UHRF1: variants seen among roughly 807,000 people sequenced by gnomAD.
UHRF1 encodes ubiquitin like with PHD and ring finger domains 1, also known as E3 ubiquitin-protein ligase UHRF1.
Under a neutral mutation model 96.5 loss-of-function variants are expected in UHRF1, and 9 were observed. That is an observed-to-expected ratio of 0.09 (90% CI 0.06 to 0.16). The LOEUF (loss-of-function observed/expected upper bound fraction) is 0.16. Among genes scored for constraint, UHRF1 ranks in the 10% least tolerant of loss-of-function variants. The probability of loss-of-function intolerance (pLI) is 1.00; values close to 1 mark genes in which losing one functional copy is unlikely to be tolerated. For synonymous variants in UHRF1, 455 were observed against 469.9 expected, an observed-to-expected ratio of 0.97 and a Z score of 0.41; for missense variants, 626 against 1,131.1, an observed-to-expected ratio of 0.55 and a Z score of 6.40.
At chr19:4,935,431 T>G (rs971026346) in intron 5 of UHRF1, among the ~76,000 whole-genome samples, 1 of 152,160 alleles carries the variant, frequency 6.6e-6, no homozygotes, top group Non-Finnish European at 1.5e-5. Flanking sequence ...TACCCAGTCT[T>G]TATTATTTAG....
intron 2 of UHRF1, among the ~76,000 whole-genome samples, chr19:4,925,839 CATGG>C (rs142721751): frequency 0.28 from 41,910 of 150,792 alleles, 6,020 homozygotes; most frequent in Middle Eastern, 0.4. Context: ...TATTTTGACA[CATGG>C]ATGGATGGCC....
intron 5 of UHRF1, among the ~76,000 whole-genome samples, chr19:4,937,509 GTA>G (rs2033253278): frequency 1.8e-4 from 28 of 151,960 alleles, no homozygotes; most frequent in South Asian, 1.0e-3. Flanking sequence ...TTACAGGTGC[GTA>G]TGCCAGCACA....
chr19:4,953,583 G>C lies in UHRF1; in HGVS notation c.1819-767G>C, dbSNP rs183731031. On this transcript the variant is annotated intron_variant, in intron 13 of 16. Transcript: ENST00000650932. ...GGCTCAAGTGATTCTCCTGCCTCAG[G>C]CTCCTAAGTAGCTGGGACTACAGAT... 4.7e-3 allele frequency among the ~76,000 whole-genome samples: 712 copies of C among 151,758 alleles called. 9 individuals carry two copies. Among genetic ancestry groups the C allele is most frequent in the African/African-American group, 0.017 (692 of 41,366 alleles).
In UHRF1 at chr19:4,945,979, T is replaced by TGGGTGGGGGG; in HGVS notation, c.1410+17_1410+18insTGGGGGGGGG. ...GAGGATGATGTGGTGAGTGTGTGTG[T>TGGGTGGGGGG]GGGAGGGGTGGGGGAGGGTTGCTCT... is the stretch of plus-strand genomic sequence containing the variant. On this transcript the variant is annotated intron_variant, in intron 10 of 16. Transcript: ENST00000650932. 1.7e-6 allele frequency: 1 copy of TGGGTGGGGGG among 576,926 alleles called. No homozygotes were observed. Among genetic ancestry groups the TGGGTGGGGGG allele is most frequent in the East Asian group, 3.8e-5 (1 of 25,990 alleles). 35.7% of individuals were successfully genotyped at this position (576,926 alleles called of 1,614,324 possible).
At chr19:4,915,249 G>T (rs1002399538) in intron 2 of UHRF1, among the ~76,000 whole-genome samples, 2 of 152,098 alleles carry the variant, frequency 1.3e-5, no homozygotes, top group Admixed American at 1.3e-4. Context: ...GGGAGGGAGG[G>T]TCCCCACCAC....
upstream of UHRF1, among the ~76,000 whole-genome samples, chr19:4,905,493 G>C (rs941883301): frequency 5.3e-5 from 8 of 151,298 alleles, no homozygotes; most frequent in South Asian, 2.1e-4. Context: ...TATTGTTAGT[G>C]TTAGTGTATT....
chr19:4,921,141 AAG>A (rs1190490423), intron 2 of UHRF1, among the ~76,000 whole-genome samples: 1 of 149,154 alleles, frequency 6.7e-6, no homozygotes, highest in Non-Finnish European at 1.5e-5. Flanking sequence ...AAAAAAAAGA[AAG>A]AAAATCGGCC....
chr19:4,939,980 T>C (rs931209193), intron 5 of UHRF1, among the ~76,000 whole-genome samples: 12 of 145,116 alleles, frequency 8.3e-5, no homozygotes, highest in East Asian at 6.1e-4. Flanking sequence ...GCCGAGATCG[T>C]GCCACTGCAC....
chr19:4,914,016 T>C (rs2032393277), intron 2 of UHRF1, among the ~76,000 whole-genome samples: 1 of 152,010 alleles, frequency 6.6e-6, no homozygotes, highest in Non-Finnish European at 1.5e-5. Flanking sequence ...GGTTTCTCCA[T>C]GTTGGTCAGG....
At chr19:4,929,005 G>A (rs916468830) in intron 2 of UHRF1, among the ~76,000 whole-genome samples, 3 of 152,190 alleles carry the variant, frequency 2.0e-5, no homozygotes, top group East Asian at 1.9e-4. Context: ...AAAAGCCCTC[G>A]CTAGAGGGGC....
chr19:4,905,406 A>C (rs1034585081), upstream of UHRF1, among the ~76,000 whole-genome samples: 4 of 151,680 alleles, frequency 2.6e-5, no homozygotes, highest in African/African-American at 9.7e-5. Context: ...GGTGTGAGCC[A>C]CCACACCCGG....
chr19:4,938,915 T>C (rs183883417), intron 5 of UHRF1, among the ~76,000 whole-genome samples: 19 of 148,334 alleles, frequency 1.3e-4, no homozygotes, highest in African/African-American at 4.2e-4. Flanking sequence ...GACTAATTTT[T>C]TTTTTTGTTT....
At chr19:4,918,044 GT>G (rs1287742427) in intron 2 of UHRF1, among the ~76,000 whole-genome samples, 10 of 152,110 alleles carry the variant, frequency 6.6e-5, no homozygotes, top group African/African-American at 1.7e-4. Context: ...TTGACCTTCA[GT>G]TTCCCCCCTG....
At position 4,929,258 on chromosome 19, in the gene UHRF1, C is replaced by T; in HGVS notation, c.190C>T (p.Arg64Cys). Residue 64 changes from arginine to cysteine, a missense_variant, in exon 3 of 17, where the codon CGC (arginine) becomes TGC (cysteine). Coordinates refer to ENST00000650932, the MANE Select transcript of UHRF1 (RefSeq NM_001048201.3). ...CCATACCCTCTTCGACTACGAGGTC[C>T]GCCTGAATGACACCATCCAGCTCCT... is the stretch of plus-strand genomic sequence containing the variant. ...DGHTLFDYEV[R>C]LNDTIQLLVR... The T allele has an allele frequency of 6.2e-7, 1 of 1,613,914 alleles. No individual in the cohort carries two copies. The highest frequency in any genetic ancestry group is 1.7e-5 in the Admixed American group (1 of 60,020).
intron 5 of UHRF1, among the ~76,000 whole-genome samples, chr19:4,941,143 T>A (rs1173796579): frequency 7.6e-6 from 1 of 130,816 alleles, no homozygotes; most frequent in African/African-American, 3.0e-5. Context: ...CAGGCTGGAG[T>A]GCAGTGGCGC....
intron 2 of UHRF1, among the ~76,000 whole-genome samples, chr19:4,923,135 C>T (rs1215790911): frequency 2.0e-5 from 3 of 152,190 alleles, no homozygotes; most frequent in Admixed American, 6.5e-5. Context: ...CCTGCCTACC[C>T]GCCACCAGTT....
chr19:4,940,459 C>G lies in UHRF1; in HGVS notation c.786-1069C>G, dbSNP rs370738449. ...TCTCAGCTCCACAACCTCCATTTCC[C>G]AGGTTCAAGCGATTCTCCTGCCTCA... On this transcript the variant is annotated intron_variant, in intron 5 of 16. Coordinates refer to ENST00000650932, the MANE Select transcript of UHRF1 (RefSeq NM_001048201.3). Among the ~76,000 whole-genome samples the G allele has an allele frequency of 1.7e-4, 25 of 144,384 alleles. No homozygotes were observed. The East Asian group carries it at 3.8e-3, about 22-fold the overall frequency. 94.7% of individuals were successfully genotyped at this position (144,384 alleles called of 152,430 possible). A position where few individuals can be genotyped will look rare whatever the true frequency, so the allele number is the denominator to read the frequency against.
rs544754489 is a variant in UHRF1, at chr19:4,916,572, G to A, written c.153+5534G>A. ...AGCGGTGACCCGGCCGGGTCGAAGG[G>A]CAGAGTTCCGCTGTCACTAGCCCTC... On this transcript the variant is annotated intron_variant, in intron 2 of 16. Transcript: ENST00000650932. Among the ~76,000 whole-genome samples, 9 of 152,274 alleles carry A rather than the reference G, an allele frequency of 5.9e-5. No homozygotes were observed. In the South Asian group the frequency reaches 1.9e-3, roughly 32 times the overall value.
Position 4,930,400 on chromosome 19 carries a change from G to A in UHRF1, c.409-316G>A, listed in dbSNP as rs574266059. Among the ~76,000 whole-genome samples, 12 of 152,320 alleles carry A rather than the reference G, an allele frequency of 7.9e-5. No homozygotes were observed. The South Asian group carries it at 1.7e-3, about 21-fold the overall frequency. On this transcript the variant is annotated intron_variant, in intron 3 of 16. Transcript: ENST00000650932. The surrounding 1 kb of genome is among the most constrained non-coding windows in gnomAD (Gnocchi z 4.4). ...TGGTATTCCAGGCGTGAGCCACGAC[G>A]CCCTGCCTGGATTTCCAGCTTCTCT...
Sources: gnomAD v4.1 joint callset for allele counts (sites outside exome capture counted in the v4.1 genomes callset) on GRCh38, gnomAD v4.1.1 for gene constraint, Gnocchi (gnomAD v3.1) non-coding constraint, MANE v1.5 for transcripts, NCBI Gene and HGNC (gene_info 2026-07-23, HGNC 2026-07-21) for gene names.